Variants in CEMIP observed in about 807,000 individuals in gnomAD.
CEMIP encodes the protein cell migration-inducing and hyaluronan-binding protein.
CEMIP carries 105 observed loss-of-function variants against 156.9 expected under a neutral mutation model. The ratio of observed to expected loss-of-function variants is 0.67; its 90% CI spans 0.57 to 0.79. The LOEUF (loss-of-function observed/expected upper bound fraction) is 0.79. Ranked by LOEUF, CEMIP falls within the 30% of genes least tolerant of loss-of-function variation. The pLI is 0.00. For missense variants in CEMIP, 1,457 were observed against 1,769.4 expected, an observed-to-expected ratio of 0.82 and a Z score of 3.17; for synonymous variants, 676 against 668.4, an observed-to-expected ratio of 1.01 and a Z score of -0.17.
chr15:80,795,248 G>GT (rs577755472), intron 1 of CEMIP, among the ~76,000 whole-genome samples: 154 of 152,008 alleles, frequency 1.0e-3, no homozygotes, highest in Middle Eastern at 3.4e-3. Flanking sequence ...TGATTTTTCT[G>GT]TTTTTTTTAA....
At chr15:80,828,345 A>G (rs1341992649) in intron 1 of CEMIP, among the ~76,000 whole-genome samples, 1 of 151,792 alleles carries the variant, frequency 6.6e-6, no homozygotes, top group South Asian at 2.1e-4. Flanking sequence ...GTGCCACTGC[A>G]CTCCAGCCTG....
At chr15:80,923,175 G>A (rs911222242) in intron 17 of CEMIP, among the ~76,000 whole-genome samples, 1 of 152,108 alleles carries the variant, frequency 6.6e-6, no homozygotes, top group African/African-American at 2.4e-5. Flanking sequence ...AGAGTCCCCA[G>A]GCAGTGTCAT....
intron 18 of CEMIP, 26 bp from the exon 19 acceptor site, chr15:80,925,598 G>A: frequency 6.2e-7 from 1 of 1,609,660 alleles, no homozygotes; most frequent in Non-Finnish European, 8.5e-7. Context: ...ACCGCCACCT[G>A]TGCCCTCCCC....
At chr15:80,894,620 G>A (rs185470014) in intron 10 of CEMIP, among the ~76,000 whole-genome samples, 10 of 152,270 alleles carry the variant, frequency 6.6e-5, no homozygotes, top group South Asian at 4.1e-4. Flanking sequence ...ACTGTTGGCC[G>A]CTGTTCATGG....
Position 80,942,291 on chromosome 15 carries a change from C to A in CEMIP, c.3653C>A (p.Ser1218Tyr). 1 of 1,614,132 alleles carries A rather than the reference C, an allele frequency of 6.2e-7. No individual in the cohort carries two copies. The highest frequency in any genetic ancestry group is 8.5e-7 in the Non-Finnish European group (1 of 1,179,986). Residue 1218 changes from serine to tyrosine, a missense_variant, in exon 27 of 30, where the codon TCC becomes TAC. Physicochemically the swap from Ser to Tyr is moderately radical, Grantham distance 144. This residue lies in a region of CEMIP where 798 missense variants were observed against 980.1 expected (regional missense o/e 0.81). Transcript: ENST00000394685. ...TTCTTGGAGGTGAAGATGGAGAGTT[C>A]CAAGCAGCACTTCTTCCACCTCTGG... ...DHFLEVKMES[S>Y]KQHFFHLWND...
intron 1 of CEMIP, among the ~76,000 whole-genome samples, chr15:80,825,235 A>AGTGTGT (rs113366050): frequency 4.0e-5 from 6 of 150,944 alleles, no homozygotes; most frequent in Non-Finnish European, 5.9e-5. Context: ...ACCACTATGA[A>AGTGTGT]GTGTGTGTGT....
In CEMIP at chr15:80,937,945, G is replaced by A. The variant is rs1283578562; in HGVS notation, c.3373G>A (p.Gly1125Ser). Residue 1125 changes from glycine to serine, a missense_variant, in exon 25 of 30, where the codon GGC (glycine) becomes AGC (serine). Coordinates refer to ENST00000394685, the MANE Select transcript of CEMIP (RefSeq NM_001293298.2). The stretch of plus-strand genomic sequence containing the variant: ...GGACAAAGTGGAGCAGAGCTACCCT[G>A]GCAGGAGCCACTACTACTGGGACGA... ...QMDKVEQSYP[G>S]RSHYYWDEDS... 6.2e-7 allele frequency: 1 copy of A among 1,614,152 alleles called. No individual in the cohort carries two copies. The highest frequency in any genetic ancestry group is 1.1e-5 in the South Asian group (1 of 91,082).
intron 22 of CEMIP, 35 bp from the exon 23 acceptor site, chr15:80,933,207 CCTT>C: frequency 6.4e-7 from 1 of 1,569,496 alleles, no homozygotes; most frequent in Non-Finnish European, 8.8e-7. Context: ...TTTCCCTTCA[CCTT>C]CTAGCCCTGC....
chr15:80,905,630 G>A (rs1430329123), intron 12 of CEMIP, among the ~76,000 whole-genome samples: 1 of 152,192 alleles, frequency 6.6e-6, no homozygotes, highest in East Asian at 1.9e-4. Flanking sequence ...ATTACAGCAG[G>A]AGAAAGACTG....
chr15:80,872,976 C>A (rs1331925712), intron 1 of CEMIP, among the ~76,000 whole-genome samples: 1 of 152,144 alleles, frequency 6.6e-6, no homozygotes, highest in East Asian at 1.9e-4. Context: ...CTATATGGCC[C>A]AAGATAGCTG....
chr15:80,920,910 C>A, intron 15 of CEMIP, 122 bp from the exon 16 acceptor site: 1 of 769,268 alleles, frequency 1.3e-6, no homozygotes. Flanking sequence ...TCAATGATTT[C>A]TCAGATCTCT....
At chr15:80,780,778 C>A (rs1284135444) in intron 1 of CEMIP, among the ~76,000 whole-genome samples, 1 of 152,196 alleles carries the variant, frequency 6.6e-6, no homozygotes. Flanking sequence ...AGGCGCGACG[C>A]CACCATGGAC....
intron 1 of CEMIP, among the ~76,000 whole-genome samples, chr15:80,829,655 A>G (rs1222621614): frequency 3.9e-5 from 6 of 152,170 alleles, no homozygotes; most frequent in East Asian, 3.8e-4. Context: ...GCTCTTATCA[A>G]TTAACTACTG....
At chr15:80,809,592 G>T (rs1250393267) in intron 1 of CEMIP, among the ~76,000 whole-genome samples, 2 of 152,216 alleles carry the variant, frequency 1.3e-5, no homozygotes, top group Admixed American at 6.5e-5. Flanking sequence ...TGGATAGGAA[G>T]CATGGTGCAG....
At chr15:80,884,459 C>A in intron 7 of CEMIP, 105 bp downstream of exon 7, 1 of 1,156,340 alleles carries the variant, frequency 8.6e-7, no homozygotes, top group Non-Finnish European at 1.3e-6. Context: ...GCCGTACCAT[C>A]CTAAATGACC....
intron 10 of CEMIP, among the ~76,000 whole-genome samples, chr15:80,892,894 A>T (rs1411733538): frequency 6.6e-6 from 1 of 152,222 alleles, no homozygotes; most frequent in Non-Finnish European, 1.5e-5. Context: ...TATTATTTAA[A>T]ATTAATTTAT....
chr15:80,924,894 G>C (rs74028114), intron 18 of CEMIP, among the ~76,000 whole-genome samples, 188 bp downstream of exon 18: 1,674 of 152,298 alleles, frequency 0.011, 32 homozygotes, highest in African/African-American at 0.038. Flanking sequence ...TAGGATTCTG[G>C]CTCCAGCAGC....
Position 80,906,569 on chromosome 15 carries a change from G to A in CEMIP, c.1412-94G>A. The A allele has an allele frequency of 2.4e-6, 3 of 1,267,686 alleles. No homozygotes were observed. The South Asian group carries it at 4.1e-5, about 17-fold the overall frequency. 78.5% of individuals were successfully genotyped at this position (1,267,686 alleles called of 1,614,324 possible). A position where few individuals can be genotyped will look rare whatever the true frequency, so the allele number is the denominator to read the frequency against. ...CTGTGCACACCAGGCATGGCGATGA[G>A]TAAGCAGCAGCCATGGAGGCACCTG... On this transcript the variant is annotated intron_variant, in intron 12 of 29. Coordinates refer to ENST00000394685, the MANE Select transcript of CEMIP (RefSeq NM_001293298.2). This position sits in a 1 kb window ranked among gnomAD's most constrained non-coding sequence, Gnocchi z 4.3.
At chr15:80,900,588 GTGTGTGTGTGTGTGTGTGTGTGTGTGT>G in intron 12 of CEMIP, among the ~76,000 whole-genome samples, 2 of 56,960 alleles carry the variant, frequency 3.5e-5, no homozygotes, top group African/African-American at 1.2e-4. Flanking sequence ...AGGTAGGGGT[GTGTGTGTGTGTGTGTGTGTGTGTGTGT>G]GTGTGTGTGT....
Sources: gnomAD v4.1 joint callset for allele counts (sites outside exome capture counted in the v4.1 genomes callset) on GRCh38, gnomAD v4.1.1 for gene constraint, gnomAD v4.1.1 regional missense constraint, Gnocchi (gnomAD v3.1) non-coding constraint, MANE v1.5 for transcripts, NCBI Gene and HGNC (gene_info 2026-07-23, HGNC 2026-07-21) for gene names.